The following ZNF84 variants were observed in gnomAD, a reference collection of about 807,000 sequenced individuals.
The protein encoded by ZNF84 is zinc finger protein 84, also known as zinc finger protein HPF2.
Under a neutral mutation model 14.8 loss-of-function variants are expected in ZNF84, and 12 were observed. The ratio of observed to expected loss-of-function variants is 0.81; its 90% CI spans 0.52 to 1.31. The LOEUF is 1.31. ZNF84 is among the 50% of genes most tolerant of loss of function. ZNF84 has a pLI of 0.00. For missense variants in ZNF84, 859 were observed against 878.6 expected (o/e 0.98, Z 0.28); for synonymous variants, 347 against 291.1 (o/e 1.19, Z -1.96).
chr12:133,041,178 C>T, intron 1 of ZNF84, 100 bp from the exon 2 acceptor site: 1 of 432,192 alleles, frequency 2.3e-6, no homozygotes, highest in Non-Finnish European at 4.1e-6. Context: ...GCAAGCGTAC[C>T]TCTGGCCTTA....
At position 133,057,187 on chromosome 12, in the gene ZNF84, T is replaced by A; in HGVS notation, c.472T>A (p.Phe158Ile). ...TTATGGAAAAGCAGAATCAGATGAC[T>A]TTAATGTGTTTGATAATTTTTTTCT... Reference protein sequence around the residue: ...GDYGKAESDDFNVFDNFFLHS... With the variant: ...GDYGKAESDDINVFDNFFLHS... Residue 158 changes from phenylalanine (F) to isoleucine (I), a missense_variant, in exon 5 of 5, where the codon TTT becomes ATT. Coordinates refer to ENST00000539354, the MANE Select transcript of ZNF84 (RefSeq NM_001289971.2). 1 of 1,612,750 alleles carries A rather than the reference T, an allele frequency of 6.2e-7. No homozygotes were observed. The highest frequency in any genetic ancestry group is 1.1e-5 in the South Asian group (1 of 90,578).
rs940449393 is a variant in ZNF84, at chr12:133,048,945, G to T, written c.238+97G>T. The T allele has an allele frequency of 1.0e-5, 10 of 964,852 alleles. No individual in the cohort carries two copies. In the Admixed American group the frequency reaches 1.5e-4, roughly 14 times the overall value. The allele number at this position is 964,852 out of a possible 1,614,324, so 59.8% of individuals were successfully genotyped here. A position where few individuals can be genotyped will look rare whatever the true frequency, so the allele number is the denominator to read the frequency against. On this transcript the variant is annotated intron_variant, in intron 4 of 4. Coordinates refer to ENST00000539354, the MANE Select transcript of ZNF84 (RefSeq NM_001289971.2). ...TAGTCAGTGATGGGTGGGCTGGTCA[G>T]TGATGGGTTGGCTGGTCAGTGACGG...
At chr12:133,047,407 A>G (rs1954001118) in intron 2 of ZNF84, among the ~76,000 whole-genome samples, 1 of 152,230 alleles carries the variant, frequency 6.6e-6, no homozygotes, top group Non-Finnish European at 1.5e-5. Context: ...TTATTGGGAC[A>G]TCTGCCCAGC....
At chr12:133,041,704 A>G (rs1206379021) in intron 2 of ZNF84, among the ~76,000 whole-genome samples, 3 of 152,350 alleles carry the variant, frequency 2.0e-5, no homozygotes, top group Admixed American at 2.0e-4. Context: ...AACATCTTAC[A>G]TAATTACTGC....
intron 4 of ZNF84, among the ~76,000 whole-genome samples, chr12:133,050,923 C>G (rs1351925476): frequency 6.6e-6 from 1 of 152,038 alleles, no homozygotes; most frequent in Non-Finnish European, 1.5e-5. Flanking sequence ...TTTCCAAAAG[C>G]CTTGTCTTTG....
intron 4 of ZNF84, among the ~76,000 whole-genome samples, 158 bp from the exon 5 acceptor site, chr12:133,056,796 A>G (rs1954166970): frequency 6.6e-6 from 1 of 152,342 alleles, no homozygotes; most frequent in Non-Finnish European, 1.5e-5. Flanking sequence ...TTTCCTTGCA[A>G]TACCTAGAAG....
At chr12:133,038,547 T>C (rs1953829582) in intron 1 of ZNF84, among the ~76,000 whole-genome samples, 1 of 94,046 alleles carries the variant, frequency 1.1e-5, no homozygotes, top group South Asian at 5.0e-4. Context: ...GACAACACAG[T>C]AAGACCCTGT....
At chr12:133,051,621 A>G (rs111388687) in intron 4 of ZNF84, among the ~76,000 whole-genome samples, 3 of 152,284 alleles carry the variant, frequency 2.0e-5, no homozygotes, top group African/African-American at 7.2e-5. Flanking sequence ...CTCTGCAGCA[A>G]AAATATAGTA....
chr12:133,049,150 C>G (rs961883964), intron 4 of ZNF84, among the ~76,000 whole-genome samples: 6 of 152,166 alleles, frequency 3.9e-5, no homozygotes, highest in African/African-American at 1.4e-4. Context: ...GAAATGTGTC[C>G]TGCTTATCTT....
rs1954203636 is a variant in ZNF84, at chr12:133,058,590, A to G, written c.1875A>G (p.Lys625=). The G allele has an allele frequency of 3.1e-6, 5 of 1,614,102 alleles. No individual in the cohort carries two copies. Among genetic ancestry groups the G allele is most frequent in the Non-Finnish European group, 3.4e-6 (4 of 1,180,012 alleles). The change falls in exon 5 of 5, where the codon AAA becomes AAG. Residue 625 remains lysine (K), a synonymous_variant. Transcript: ENST00000539354. ...ATCTGAGAACTCATACAGGAGAAAA[A>G]CCTTATGAATGCAATGAATGTAGAA... ...IRHLRTHTGE[K]PYECNECRKA... is the part of the protein sequence containing the mutation.
In ZNF84 at chr12:133,060,068, AAGT is replaced by A. The variant is rs1387273016; in HGVS notation, c.*1140_*1142del. Reference sequence around the variant, plus strand: ...TACAACACCCAAACTAAATGAAATAAAGTAGTGCTGTATTAAATCTTTTTCTCA... The same window carrying A: ...TACAACACCCAAACTAAATGAAATAAAGTGCTGTATTAAATCTTTTTCTCA... On this transcript the variant is annotated 3_prime_UTR_variant, in exon 5 of 5. Coordinates refer to ENST00000539354, the MANE Select transcript of ZNF84 (RefSeq NM_001289971.2). 1 of 152,224 alleles carries A rather than the reference AAGT, an allele frequency of 6.6e-6. No homozygotes were observed. Among genetic ancestry groups the A allele is most frequent in the Non-Finnish European group, 1.5e-5 (1 of 68,038 alleles). The allele number at this position is 152,224 out of a possible 1,614,324, so 9.4% of individuals were successfully genotyped here. A position where few individuals can be genotyped will look rare whatever the true frequency, so the allele number is the denominator to read the frequency against.
At chr12:133,038,558 CA>C (rs67023898) in intron 1 of ZNF84, among the ~76,000 whole-genome samples, 108,213 of 142,242 alleles carry the variant, frequency 0.76, 40,825 homozygotes, top group East Asian at 0.91. Context: ...AAGACCCTGT[CA>C]AAAAAAAAAA....
chr12:133,049,083 T>G (rs1235210731), intron 4 of ZNF84, among the ~76,000 whole-genome samples: 1 of 152,222 alleles, frequency 6.6e-6, no homozygotes, highest in Non-Finnish European at 1.5e-5. Context: ...TCAGAACAAT[T>G]GACATTAGCT....
At chr12:133,050,707 G>A in intron 4 of ZNF84, 1 of 394,858 alleles carries the variant, frequency 2.5e-6, no homozygotes, top group Non-Finnish European at 4.5e-6. Flanking sequence ...GATTTTCACT[G>A]CATTCATATT....
Position 133,057,421 on chromosome 12 carries a change from G to A in ZNF84, c.706G>A (p.Gly236Ser). The change falls in exon 5 of 5, where the codon GGC becomes AGC. Residue 236 changes from glycine to serine, a missense_variant. Coordinates refer to ENST00000539354, the MANE Select transcript of ZNF84 (RefSeq NM_001289971.2). Reference sequence around the variant, plus strand: ...CAGACATATAAGAGACATAGCCTTTGGCTGTGGTAATTGTGGCAAAACCTT... The same window carrying A: ...CAGACATATAAGAGACATAGCCTTTAGCTGTGGTAATTGTGGCAAAACCTT... ...QSRHIRDIAF[G>S]CGNCGKTFPQ... The A allele has an allele frequency of 2.5e-6, 4 of 1,614,170 alleles. No homozygotes were observed. Among genetic ancestry groups the A allele is most frequent in the Non-Finnish European group, 3.4e-6 (4 of 1,180,038 alleles).
Position 133,058,852 on chromosome 12 carries a change from T to C in ZNF84, c.2137T>C (p.Cys713Arg). Reference sequence around the variant, plus strand: ...TCATACAGGAGAGAAGCCTTATCGATGCATTGAATGTGGGAAAGCTTTCTC... The same window carrying C: ...TCATACAGGAGAGAAGCCTTATCGACGCATTGAATGTGGGAAAGCTTTCTC... ...RIHTGEKPYRCIECGKAFSQK... is the reference protein window; with the variant it reads ...RIHTGEKPYRRIECGKAFSQK... Residue 713 changes from cysteine to arginine, a missense_variant, in exon 5 of 5, where the codon TGC becomes CGC. By Grantham distance (180) the Cys-to-Arg change is radical (BLOSUM62 -3). Transcript: ENST00000539354. The C allele has an allele frequency of 6.2e-7, 1 of 1,613,912 alleles. No individual in the cohort carries two copies. Among genetic ancestry groups the C allele is most frequent in the Non-Finnish European group, 8.5e-7 (1 of 1,179,912 alleles).
Position 133,059,919 on chromosome 12 carries a change from A to C in ZNF84, c.*987A>C, listed in dbSNP as rs2137432747. ...CAGTAACTGAAGCCAACATTGTGTAAGTCTTCTGCATCCTCAGAGTCTGAG... is the reference window on the plus strand; with the variant it reads ...CAGTAACTGAAGCCAACATTGTGTACGTCTTCTGCATCCTCAGAGTCTGAG... On this transcript the variant is annotated 3_prime_UTR_variant, in exon 5 of 5. Coordinates refer to ENST00000539354, the MANE Select transcript of ZNF84 (RefSeq NM_001289971.2). 1 of 152,326 alleles carries C rather than the reference A, an allele frequency of 6.6e-6. No homozygotes were observed. Among genetic ancestry groups the C allele is most frequent in the East Asian group, 1.9e-4 (1 of 5,192 alleles). 9.4% of individuals were successfully genotyped at this position (152,326 alleles called of 1,614,324 possible).
At chr12:133,047,406 C>T (rs1954001040) in intron 2 of ZNF84, among the ~76,000 whole-genome samples, 1 of 152,186 alleles carries the variant, frequency 6.6e-6, no homozygotes, top group African/African-American at 2.4e-5. Context: ...TTTATTGGGA[C>T]ATCTGCCCAG....
At chr12:133,050,512 C>T (rs1193023547) in intron 4 of ZNF84, 4 of 398,498 alleles carry the variant, frequency 1.0e-5, no homozygotes, top group Non-Finnish European at 1.3e-5. Flanking sequence ...GACTTGTAAT[C>T]TCTGCTTTCA....
Sources: allele counts gnomAD v4.1 joint callset (sites outside exome capture counted in the v4.1 genomes callset), GRCh38; gene constraint gnomAD v4.1.1; transcripts MANE v1.5; gene names NCBI Gene and HGNC (gene_info 2026-07-23, HGNC 2026-07-21).